SPAG16: variants seen among roughly 807,000 people sequenced by gnomAD.
The protein encoded by SPAG16 is sperm-associated antigen 16 protein.
Under a neutral mutation model 80.4 loss-of-function variants are expected in SPAG16, and 86 were observed. The observed-to-expected ratio is 1.07, with a 90% CI of 0.90 to 1.28. The LOEUF (loss-of-function observed/expected upper bound fraction) is 1.28, where lower values mean the gene tolerates loss of function less well. SPAG16 is among the 50% of genes most tolerant of loss of function. The pLI is 0.00. For synonymous variants in SPAG16, 294 were observed against 265.9 expected, an observed-to-expected ratio of 1.11 and a Z score of -1.03; for missense variants, 870 against 765.3, an observed-to-expected ratio of 1.14 and a Z score of -1.61.
chr2:214,041,978 G>GTATATATATATA (rs1158447338), intron 13 of SPAG16, among the ~76,000 whole-genome samples: 69 of 116,340 alleles, frequency 5.9e-4, no homozygotes, highest in South Asian at 9.3e-4. Flanking sequence ...GTCTGTGTGT[G>GTATATATATATA]TATATATATA....
At chr2:214,011,029 G>T (rs149614736) in intron 12 of SPAG16, among the ~76,000 whole-genome samples, 4,606 of 145,100 alleles carry the variant, frequency 0.032, 947 homozygotes, top group African/African-American at 0.12. Context: ...AAGTATCTAC[G>T]TGACTTTCAG....
At chr2:214,011,601 A>G (rs2047284492) in intron 12 of SPAG16, among the ~76,000 whole-genome samples, 1 of 152,228 alleles carries the variant, frequency 6.6e-6, no homozygotes, top group African/African-American at 2.4e-5. Context: ...TTTATTTACA[A>G]AAATAAGCAG....
At chr2:214,212,843 T>G (rs1304921594) in intron 15 of SPAG16, among the ~76,000 whole-genome samples, 1 of 152,238 alleles carries the variant, frequency 6.6e-6, no homozygotes, top group Non-Finnish European at 1.5e-5. Flanking sequence ...TTTCAGGACC[T>G]GAGGAATTTT....
chr2:213,597,197 TATTC>T (rs1425716330), intron 10 of SPAG16, among the ~76,000 whole-genome samples: 4 of 152,188 alleles, frequency 2.6e-5, no homozygotes, highest in African/African-American at 7.2e-5. Flanking sequence ...TAATAAAATT[TATTC>T]ATTCATTCAC....
chr2:213,408,099 T>TA (rs1028935593), intron 9 of SPAG16, among the ~76,000 whole-genome samples: 3 of 145,098 alleles, frequency 2.1e-5, no homozygotes, highest in Admixed American at 1.4e-4. Context: ...ATAGAAGTAG[T>TA]AAAAAAACAA....
intron 10 of SPAG16, among the ~76,000 whole-genome samples, chr2:213,634,478 T>C (rs2062281535): frequency 6.6e-6 from 1 of 152,222 alleles, no homozygotes; most frequent in Non-Finnish European, 1.5e-5. Context: ...AGTGTTATAA[T>C]ACTGTGTGTT....
At chr2:214,133,129 T>TAATAA (rs1559830763) in intron 14 of SPAG16, among the ~76,000 whole-genome samples, 1 of 141,408 alleles carries the variant, frequency 7.1e-6, no homozygotes, top group Non-Finnish European at 1.5e-5. Flanking sequence ...TAAATAATAA[T>TAATAA]AAAAAAAAAA....
Position 213,582,484 on chromosome 2 carries a change from C to G in SPAG16, c.1070+92394C>G, listed in dbSNP as rs113596631. Among the ~76,000 whole-genome samples, 239 of 152,218 alleles carry G rather than the reference C, an allele frequency of 1.6e-3. 3 individuals carry two copies. Among genetic ancestry groups the G allele is most frequent in the African/African-American group, 4.7e-3 (194 of 41,520 alleles). On this transcript the variant is annotated intron_variant, in intron 10 of 15. Coordinates refer to ENST00000331683, the MANE Select transcript of SPAG16 (RefSeq NM_024532.5). ...TCATGGGCTGAAAGAGATAGTTGAA[C>G]TCTGTGGCATCAGAAGTTATAGTGA... is the stretch of plus-strand genomic sequence containing the variant.
intron 13 of SPAG16, among the ~76,000 whole-genome samples, chr2:214,080,231 C>T (rs1393306669): frequency 6.6e-6 from 1 of 152,086 alleles, no homozygotes; most frequent in Non-Finnish European, 1.5e-5. Flanking sequence ...CATCAACAAA[C>T]TCAGTAAGAG....
intron 1 of SPAG16, among the ~76,000 whole-genome samples, chr2:213,294,924 A>G (rs1575103364): frequency 1.3e-5 from 2 of 152,166 alleles, no homozygotes; most frequent in East Asian, 3.8e-4. Context: ...AAATAGAGTT[A>G]TAGTTCCAGC....
chr2:213,708,231 A>G (rs13384724), intron 10 of SPAG16, among the ~76,000 whole-genome samples: 25,247 of 152,206 alleles, frequency 0.17, 2,922 homozygotes, highest in Non-Finnish European at 0.25. Flanking sequence ...AAAGATTTCA[A>G]TGAATTTTAA....
At chr2:214,355,712 G>A (rs1366594951) in intron 15 of SPAG16, among the ~76,000 whole-genome samples, 4 of 151,766 alleles carry the variant, frequency 2.6e-5, no homozygotes, top group African/African-American at 7.3e-5. Context: ...TGCTATAAAG[G>A]CACATGCACA....
intron 9 of SPAG16, among the ~76,000 whole-genome samples, chr2:213,472,992 C>T: frequency 6.6e-6 from 1 of 152,172 alleles, no homozygotes; most frequent in South Asian, 2.1e-4. Flanking sequence ...TTGGCTCCCC[C>T]TTCATTCAAA....
chr2:214,264,959 A>G (rs1409874354), intron 15 of SPAG16, among the ~76,000 whole-genome samples: 1 of 152,070 alleles, frequency 6.6e-6, no homozygotes, highest in Non-Finnish European at 1.5e-5. Flanking sequence ...GGTTTGATAG[A>G]TCATTTCTTT....
chr2:213,779,050 A>G (rs542983453), intron 10 of SPAG16, among the ~76,000 whole-genome samples: 16 of 152,322 alleles, frequency 1.1e-4, no homozygotes, highest in African/African-American at 3.1e-4. Flanking sequence ...TCCCACCACT[A>G]AACCTGCACA....
chr2:214,177,983 A>G (rs1388617380), intron 15 of SPAG16, among the ~76,000 whole-genome samples: 24 of 26,760 alleles, frequency 9.0e-4, no homozygotes, highest in South Asian at 4.2e-3. Flanking sequence ...ATATATATAT[A>G]TATATATATA....
intron 5 of SPAG16, among the ~76,000 whole-genome samples, chr2:213,338,600 A>C (rs528706076): frequency 1.3e-5 from 2 of 152,344 alleles, no homozygotes; most frequent in South Asian, 2.1e-4. Context: ...TCACAAAGAC[A>C]TGGAATCAAC....
intron 15 of SPAG16, among the ~76,000 whole-genome samples, chr2:214,312,774 G>T (rs1184578392): frequency 1.3e-5 from 2 of 152,056 alleles, no homozygotes; most frequent in East Asian, 3.8e-4. Flanking sequence ...TTTTTCTGAA[G>T]TATCATTTAG....
intron 13 of SPAG16, among the ~76,000 whole-genome samples, chr2:214,100,639 G>A (rs999130060): frequency 4.6e-5 from 7 of 151,954 alleles, no homozygotes; most frequent in Non-Finnish European, 7.4e-5. Context: ...GTGGTATTTC[G>A]TTTTCTGTTC....
Sources: allele counts gnomAD v4.1 joint callset (sites outside exome capture counted in the v4.1 genomes callset), GRCh38; gene constraint gnomAD v4.1.1; transcripts MANE v1.5; gene names NCBI Gene and HGNC (gene_info 2026-07-23, HGNC 2026-07-21).